Variants in MARCHF6 observed in about 807,000 individuals in gnomAD.
MARCHF6 encodes membrane associated ring-CH-type finger 6.
MARCHF6 carries 31 observed loss-of-function variants against 133.7 expected under a neutral mutation model. The ratio of observed to expected loss-of-function variants is 0.23; its 90% confidence interval spans 0.17 to 0.31. The LOEUF is 0.31. Ranked by LOEUF, MARCHF6 falls within the 10% of genes least tolerant of loss-of-function variation. The probability of loss-of-function intolerance (pLI) is 1.00; values close to 1 mark genes in which losing one functional copy is unlikely to be tolerated. For missense variants in MARCHF6, 723 were observed against 1,121.6 expected (o/e 0.64, Z 5.08); for synonymous variants, 395 against 402.5 (o/e 0.98, Z 0.22).
At chr5:10,359,128 G>A (rs1735658314) in intron 1 of MARCHF6, among the ~76,000 whole-genome samples, 2 of 152,120 alleles carry the variant, frequency 1.3e-5, no homozygotes, top group Admixed American at 6.6e-5. Flanking sequence ...ATTGCATTTA[G>A]TGCAGTACCC....
rs1740281135 is a variant in MARCHF6 at position 10,429,875 on chromosome 5, T to C, written c.2507-18T>C. ...TTATTTCACATACACTGAAAGTTTT[T>C]CTTTTTTGGTTTTCTAGGTGTTACT... is the stretch of plus-strand genomic sequence containing the variant. On this transcript the variant is annotated intron_variant, in intron 24 of 25. Coordinates refer to ENST00000274140, the MANE Select transcript of MARCHF6 (RefSeq NM_005885.4). 1.2e-6 allele frequency: 2 copies of C among 1,604,610 alleles called. No homozygotes were observed. Among genetic ancestry groups the C allele is most frequent in the East Asian group, 4.5e-5 (2 of 44,638 alleles).
Position 10,378,823 on chromosome 5 carries a change from T to C in MARCHF6, c.181T>C (p.Phe61Leu). ...TGAATTATGCAAGCACAGATTTGCT[T>C]TTACACCAAGTAAGTTCTTTAGACA... The part of the protein sequence containing the change: ...YCELCKHRFA[F>L]TPIYSPDMPS... Residue 61 changes from phenylalanine to leucine, a missense_variant, in exon 3 of 26, where the codon TTT becomes CTT. Coordinates refer to ENST00000274140, the MANE Select transcript of MARCHF6 (RefSeq NM_005885.4). 1 of 1,608,290 alleles carries C rather than the reference T, an allele frequency of 6.2e-7. No individual in the cohort carries two copies. The highest frequency in any genetic ancestry group is 8.5e-7 in the Non-Finnish European group (1 of 1,176,490).
chr5:10,416,564 A>G (rs944806237), intron 21 of MARCHF6, among the ~76,000 whole-genome samples: 4 of 152,178 alleles, frequency 2.6e-5, no homozygotes, highest in African/African-American at 7.2e-5. Context: ...AGAAACAAGT[A>G]TTTTGTCTTC....
rs566258916 is a variant in MARCHF6, at chr5:10,404,905, A to T, written c.1333-653A>T. ...AAATGTAATTATATGTGAACTCCAG[A>T]TTACTTCATTAAGTGAATAAAATGC... On this transcript the variant is annotated intron_variant, in intron 15 of 25. Coordinates refer to ENST00000274140, the MANE Select transcript of MARCHF6 (RefSeq NM_005885.4). 1.5e-4 allele frequency among the ~76,000 whole-genome samples: 23 copies of T among 152,346 alleles called. No individual in the cohort carries two copies. In the East Asian group the frequency reaches 4.0e-3, roughly 27 times the overall value.
At chr5:10,399,636 CT>C (rs1311490911) in intron 10 of MARCHF6, among the ~76,000 whole-genome samples, 2 of 152,084 alleles carry the variant, frequency 1.3e-5, no homozygotes, top group Non-Finnish European at 2.9e-5. Flanking sequence ...ATTATCTCAC[CT>C]TACAAAATTA....
intron 1 of MARCHF6, among the ~76,000 whole-genome samples, chr5:10,364,631 T>C (rs1425976891): frequency 2.0e-5 from 3 of 152,194 alleles, no homozygotes; most frequent in African/African-American, 7.2e-5. Context: ...GCTGAAATTG[T>C]TGGAATCATT....
intron 19 of MARCHF6, among the ~76,000 whole-genome samples, chr5:10,414,026 T>C (rs573124313): frequency 6.6e-6 from 1 of 152,252 alleles, no homozygotes; most frequent in South Asian, 2.1e-4. Flanking sequence ...ACATGTGGCC[T>C]AGTGGCTACT....
In MARCHF6 at chr5:10,439,564, T is replaced by A. The variant is rs1257688236; in HGVS notation, c.*5880T>A. 1 of 152,222 alleles carries A rather than the reference T, an allele frequency of 6.6e-6. No homozygotes were observed. Among genetic ancestry groups the A allele is most frequent in the Non-Finnish European group, 1.5e-5 (1 of 68,044 alleles). 9.4% of individuals were successfully genotyped at this position (152,222 alleles called of 1,614,324 possible). A position where few individuals can be genotyped will look rare whatever the true frequency, so the allele number is the denominator to read the frequency against. On this transcript the variant is annotated 3_prime_UTR_variant, in exon 26 of 26. Transcript: ENST00000274140. ...TCTGATAAATGAGTTGCATCTAGAT[T>A]ACATAAAGAAGTCTCAAAACTGAAC... is the stretch of plus-strand genomic sequence containing the variant.
chr5:10,420,301 GA>G (rs1307223273), intron 22 of MARCHF6, among the ~76,000 whole-genome samples: 1 of 152,168 alleles, frequency 6.6e-6, no homozygotes, highest in Non-Finnish European at 1.5e-5. Context: ...AAGGGAAGAG[GA>G]CATAGACCCC....
In MARCHF6 at chr5:10,408,361, A is replaced by T. The variant is rs116231240; in HGVS notation, c.1553+1159A>T. ...TGGCATAATCTCATGTTGCTTTTTC[A>T]GTGTCTTGTCTCAGCATTGACTGAC... On this transcript the variant is annotated intron_variant, in intron 17 of 25. Transcript: ENST00000274140. Among the ~76,000 whole-genome samples, 1,044 of 152,184 alleles carry T rather than the reference A, an allele frequency of 6.9e-3. 14 individuals carry two copies. Among genetic ancestry groups the T allele is most frequent in the African/African-American group, 0.024 (980 of 41,510 alleles).
rs563167140 is a variant in MARCHF6, at chr5:10,432,244, G to A, written c.2643-1350G>A. Among the ~76,000 whole-genome samples, 127 of 152,128 alleles carry A rather than the reference G, an allele frequency of 8.3e-4. 1 individual carries two copies. Among genetic ancestry groups the A allele is most frequent in the Admixed American group, 5.2e-4 (8 of 15,268 alleles). On this transcript the variant is annotated intron_variant, in intron 25 of 25. Coordinates refer to ENST00000274140, the MANE Select transcript of MARCHF6 (RefSeq NM_005885.4). ...TACAACATGCTAAGCCTTTGTCACC[G>A]GGCTGCATACACTTTCCCTTTCTTA...
chr5:10,361,557 A>C (rs1735822910), intron 1 of MARCHF6, among the ~76,000 whole-genome samples: 1 of 152,056 alleles, frequency 6.6e-6, no homozygotes, highest in South Asian at 2.1e-4. Flanking sequence ...GGCCTACTCT[A>C]AGGACCTCAT....
rs1347444325 is a variant in MARCHF6 at position 10,438,920 on chromosome 5, A to G, written c.*5236A>G. Reference sequence around the variant, plus strand: ...TCTCTAAGACCACTCATACGTAAACACTACGTAGAGGCCCCTTTTTGCCTC... The same window carrying G: ...TCTCTAAGACCACTCATACGTAAACGCTACGTAGAGGCCCCTTTTTGCCTC... On this transcript the variant is annotated 3_prime_UTR_variant, in exon 26 of 26. Transcript: ENST00000274140. 6.6e-6 allele frequency: 1 copy of G among 152,172 alleles called. No homozygotes were observed. The highest frequency in any genetic ancestry group is 1.5e-5 in the Non-Finnish European group (1 of 68,034). The allele number at this position is 152,172 out of a possible 1,614,324, so 9.4% of individuals were successfully genotyped here. A position where few individuals can be genotyped will look rare whatever the true frequency, so the allele number is the denominator to read the frequency against.
At chr5:10,392,869 A>C (rs1235291847) in intron 7 of MARCHF6, among the ~76,000 whole-genome samples, 1 of 151,804 alleles carries the variant, frequency 6.6e-6, no homozygotes, top group Non-Finnish European at 1.5e-5. Flanking sequence ...CTCTAGTTCT[A>C]CTTGGCAGCC....
At chr5:10,387,484 G>A (rs888202745) in intron 5 of MARCHF6, among the ~76,000 whole-genome samples, 3 of 151,616 alleles carry the variant, frequency 2.0e-5, no homozygotes, top group African/African-American at 7.3e-5. Context: ...TGTATTTTTA[G>A]TAGAGACAGG....
intron 22 of MARCHF6, among the ~76,000 whole-genome samples, chr5:10,419,840 A>G (rs192924556): frequency 6.6e-6 from 1 of 152,310 alleles, no homozygotes; most frequent in Non-Finnish European, 1.5e-5. Context: ...AATTTTGTCC[A>G]TAGAGTCTGT....
In MARCHF6 at chr5:10,408,019, C is replaced by G. The variant is rs1040922573; in HGVS notation, c.1553+817C>G. Among the ~76,000 whole-genome samples the G allele has an allele frequency of 1.1e-4, 16 of 149,326 alleles. No individual in the cohort carries two copies. The East Asian group carries it at 1.6e-3, about 15-fold the overall frequency. On this transcript the variant is annotated intron_variant, in intron 17 of 25. Coordinates refer to ENST00000274140, the MANE Select transcript of MARCHF6 (RefSeq NM_005885.4). ...ACTACCAGTAATCTTTACCACTCAT[C>G]CTATATGCTCTTTAGGGATTTGTAT...
At chr5:10,410,694 A>G (rs1483921963) in intron 18 of MARCHF6, among the ~76,000 whole-genome samples, 1 of 152,014 alleles carries the variant, frequency 6.6e-6, no homozygotes, top group Non-Finnish European at 1.5e-5. Context: ...CCCAAGCTTT[A>G]TATACTCTAT....
At chr5:10,428,020 G>A (rs1159969187) in intron 24 of MARCHF6, among the ~76,000 whole-genome samples, 1 of 152,070 alleles carries the variant, frequency 6.6e-6, no homozygotes, top group Non-Finnish European at 1.5e-5. Flanking sequence ...ACCTCAGGTT[G>A]TGACACTCCA....
Sources: allele counts gnomAD v4.1 joint callset (sites outside exome capture counted in the v4.1 genomes callset), GRCh38; gene constraint gnomAD v4.1.1; transcripts MANE v1.5; gene names NCBI Gene and HGNC (gene_info 2026-07-23, HGNC 2026-07-21).